Variants in SLC12A8 observed in about 807,000 individuals in gnomAD.
SLC12A8 encodes the protein cation-chloride cotransporter 9.
Under a neutral mutation model 75.6 loss-of-function variants are expected in SLC12A8, and 69 were observed. The ratio of observed to expected loss-of-function variants is 0.91; its 90% CI spans 0.75 to 1.11. The LOEUF (loss-of-function observed/expected upper bound fraction) is 1.11, where lower values mean the gene tolerates loss of function less well. Among genes scored for constraint, SLC12A8 ranks in the 50% most tolerant of loss-of-function variants. The probability of loss-of-function intolerance (pLI) is 0.00; values close to 1 mark genes in which losing one functional copy is unlikely to be tolerated. For missense variants in SLC12A8, 877 were observed against 896.7 expected, an observed-to-expected ratio of 0.98 and a Z score of 0.28; for synonymous variants, 365 against 372.8, an observed-to-expected ratio of 0.98 and a Z score of 0.24.
chr3:125,084,849 G>A (rs1442299191), intron 13 of SLC12A8, among the ~76,000 whole-genome samples: 1 of 152,130 alleles, frequency 6.6e-6, no homozygotes, highest in African/African-American at 2.4e-5. Context: ...CCTATAGTCT[G>A]TGTTAGGTCT....
At chr3:125,159,386 G>A (rs758056951) in intron 5 of SLC12A8, among the ~76,000 whole-genome samples, 22 of 151,664 alleles carry the variant, frequency 1.5e-4, no homozygotes, top group South Asian at 4.2e-4. Flanking sequence ...AAGAGCCACC[G>A]CACCCATTAA....
intron 2 of SLC12A8, among the ~76,000 whole-genome samples, chr3:125,208,949 AC>A (rs1282775390): frequency 6.6e-6 from 1 of 152,216 alleles, no homozygotes; most frequent in East Asian, 1.9e-4. Flanking sequence ...AATCACCGTG[AC>A]CAAGAGAAGA....
At chr3:125,104,829 T>C (rs1938985312) in intron 10 of SLC12A8, among the ~76,000 whole-genome samples, 1 of 152,014 alleles carries the variant, frequency 6.6e-6, no homozygotes, top group Middle Eastern at 3.2e-3. Context: ...CCTTTTTCCC[T>C]CCCCTTTTTC....
At chr3:125,160,871 G>T (rs1197874439) in intron 5 of SLC12A8, among the ~76,000 whole-genome samples, 2 of 152,208 alleles carry the variant, frequency 1.3e-5, no homozygotes, top group Non-Finnish European at 2.9e-5. Context: ...CAGAGCACTG[G>T]CTGGGGAGCT....
chr3:125,084,126 G>A (rs939681126), intron 13 of SLC12A8, 74 bp from the exon 14 acceptor site: 4 of 1,244,798 alleles, frequency 3.2e-6, no homozygotes, highest in Non-Finnish European at 4.5e-6. Flanking sequence ...AGTCTACTGG[G>A]CATAAAGAAA....
At chr3:125,188,593 C>T (rs1473941952) in intron 3 of SLC12A8, among the ~76,000 whole-genome samples, 1 of 152,182 alleles carries the variant, frequency 6.6e-6, no homozygotes, top group African/African-American at 2.4e-5. Flanking sequence ...GCAGTGGACA[C>T]AGCACTTCTA....
intron 10 of SLC12A8, among the ~76,000 whole-genome samples, chr3:125,098,434 T>A (rs1938771547): frequency 2.0e-5 from 3 of 152,156 alleles, no homozygotes; most frequent in South Asian, 4.1e-4. Context: ...ATAGACTTAC[T>A]AAGTCAGGGC....
intron 5 of SLC12A8, among the ~76,000 whole-genome samples, chr3:125,162,818 G>A (rs1056766140): frequency 2.6e-5 from 4 of 152,196 alleles, no homozygotes; most frequent in African/African-American, 9.7e-5. Flanking sequence ...AATGAGGGCA[G>A]TAAGAGGAAG....
rs918768903 is a variant in SLC12A8, at chr3:125,107,649, G to A, written c.1537C>T (p.Pro513Ser). Reference sequence around the variant, plus strand: ...TCAGAGATCTCGACAGGGAAAGAAGGAGGGGATTTGAGGTCCAAGAGGAAG... The same window carrying A: ...TCAGAGATCTCGACAGGGAAAGAAGAAGGGGATTTGAGGTCCAAGAGGAAG... ...DSFLLDLKSP[P>S]SFPVEISDRL... is the part of the protein sequence containing the mutation. The change falls in exon 10 of 14, where the codon CCT (proline) becomes TCT (serine). Residue 513 changes from proline to serine, a missense_variant. Pro to Ser is a moderately conservative substitution (Grantham distance 74). Transcript: ENST00000469902. The A allele has an allele frequency of 1.2e-6, 2 of 1,614,212 alleles. No individual in the cohort carries two copies.
chr3:125,105,565 C>T (rs1939001877), intron 10 of SLC12A8, among the ~76,000 whole-genome samples: 1 of 152,146 alleles, frequency 6.6e-6, no homozygotes. Flanking sequence ...TTCCAGGAAA[C>T]AGCAAAAGTT....
intron 10 of SLC12A8, among the ~76,000 whole-genome samples, chr3:125,107,195 T>C (rs10512635): frequency 0.074 from 11,212 of 152,258 alleles, 821 homozygotes; most frequent in African/African-American, 0.2. Context: ...TTTATACTTC[T>C]GTTCATTTTT....
intron 5 of SLC12A8, among the ~76,000 whole-genome samples, chr3:125,148,760 C>T (rs1162327322): frequency 1.3e-5 from 2 of 152,132 alleles, no homozygotes; most frequent in Admixed American, 6.5e-5. Flanking sequence ...TTGCTCCCCA[C>T]CCAAATGTGA....
intron 6 of SLC12A8, among the ~76,000 whole-genome samples, chr3:125,122,340 TTTG>T (rs1220748021): frequency 4.6e-5 from 7 of 152,200 alleles, no homozygotes; most frequent in African/African-American, 7.2e-5. Context: ...CTTTTAAGGT[TTTG>T]TTGTTGTTGT....
At chr3:125,178,137 C>T (rs112439637) in intron 4 of SLC12A8, among the ~76,000 whole-genome samples, 163 bp from the exon 5 acceptor site, 3,628 of 152,222 alleles carry the variant, frequency 0.024, 154 homozygotes, top group African/African-American at 0.083. Context: ...CCTTCCCACC[C>T]GTGAACCTGC....
chr3:125,119,862 C>G (rs185659819), intron 7 of SLC12A8: 33 of 456,732 alleles, frequency 7.2e-5, no homozygotes, highest in Admixed American at 4.5e-4. Context: ...CTCTTCACAC[C>G]TACCCAATGA....
At chr3:125,201,394 A>T (rs1935116034) in intron 2 of SLC12A8, among the ~76,000 whole-genome samples, 1 of 152,046 alleles carries the variant, frequency 6.6e-6, no homozygotes, top group Non-Finnish European at 1.5e-5. Flanking sequence ...ACAGAGTGAG[A>T]CCCTGTCTCT....
At chr3:125,153,968 G>A (rs190100461) in intron 5 of SLC12A8, among the ~76,000 whole-genome samples, 9 of 152,232 alleles carry the variant, frequency 5.9e-5, no homozygotes, top group African/African-American at 9.6e-5. Context: ...GGCTGGTCTC[G>A]AACTCCTGAC....
intron 5 of SLC12A8, among the ~76,000 whole-genome samples, chr3:125,160,620 C>T (rs775975659): frequency 1.7e-4 from 26 of 152,324 alleles, no homozygotes; most frequent in Non-Finnish European, 2.9e-4. Flanking sequence ...TTAGATGAAG[C>T]GGGTGACGCT....
In SLC12A8 at chr3:125,187,284, C is replaced by A. The variant is rs747329444; in HGVS notation, c.343G>T (p.Gly115Cys). 12 of 1,614,056 alleles carry A rather than the reference C, an allele frequency of 7.4e-6. No homozygotes were observed. The highest frequency in any genetic ancestry group is 1.3e-5 in the African/African-American group (1 of 74,920). The change falls in exon 4 of 14, where the codon GGT (glycine) becomes TGT (cysteine). Residue 115 changes from glycine (G) to cysteine (C), a missense_variant. Gly to Cys is a radical substitution (Grantham distance 159). Transcript: ENST00000469902. Reference sequence around the variant, plus strand: ...CCGATGGTGCCTCCCGTCTGCCCACCCAGGACCGAGGAGATCATGGAGTAG... The same window carrying A: ...CCGATGGTGCCTCCCGTCTGCCCACACAGGACCGAGGAGATCATGGAGTAG... ...GVYSMISSVL[G>C]GQTGGTIGLL...
Sources: allele counts gnomAD v4.1 joint callset (sites outside exome capture counted in the v4.1 genomes callset), GRCh38; gene constraint gnomAD v4.1.1; transcripts MANE v1.5; gene names NCBI Gene and HGNC (gene_info 2026-07-23, HGNC 2026-07-21).